Variants in TMEM117 observed in about 807,000 individuals in gnomAD.
TMEM117 encodes the protein transmembrane protein 117.
In TMEM117, 27 loss-of-function variants were observed where a neutral mutation model predicts 52.4. The observed-to-expected ratio is 0.51, with a 90% CI of 0.38 to 0.71. TMEM117 has a LOEUF of 0.71. Among genes scored for constraint, TMEM117 ranks in the 30% least tolerant of loss-of-function variants. The pLI, the probability that TMEM117 is intolerant of heterozygous loss-of-function variation, is 0.00. For synonymous variants in TMEM117, 215 were observed against 206.3 expected (o/e 1.04, Z -0.36); for missense variants, 556 against 630.5 (o/e 0.88, Z 1.26).
chr12:44,015,920 GA>G (rs1946367143), intron 3 of TMEM117, among the ~76,000 whole-genome samples: 2 of 152,134 alleles, frequency 1.3e-5, no homozygotes, highest in African/African-American at 4.8e-5. Flanking sequence ...TTGATGTAGA[GA>G]GTTTTATTTT....
chr12:44,264,678 G>GA (rs1950356435), intron 5 of TMEM117, among the ~76,000 whole-genome samples: 3 of 151,566 alleles, frequency 2.0e-5, no homozygotes. Context: ...ATAGAAATCT[G>GA]AAAAAACAGA....
chr12:44,237,327 T>TA (rs1288771504), intron 5 of TMEM117, among the ~76,000 whole-genome samples: 1 of 152,086 alleles, frequency 6.6e-6, no homozygotes, highest in Non-Finnish European at 1.5e-5. Context: ...GTTTTTTTTT[T>TA]ACCTTCATAG....
At chr12:44,358,711 G>A (rs1182809147) in intron 6 of TMEM117, among the ~76,000 whole-genome samples, 1 of 152,042 alleles carries the variant, frequency 6.6e-6, no homozygotes, top group African/African-American at 2.4e-5. Context: ...TTTAAAGATG[G>A]TACATGAAAA....
chr12:44,069,952 C>T (rs1422716966), intron 3 of TMEM117, among the ~76,000 whole-genome samples: 4 of 152,130 alleles, frequency 2.6e-5, no homozygotes, highest in East Asian at 3.9e-4. Context: ...TGCAGTGGCA[C>T]GGGCTTGGCT....
At chr12:44,103,811 A>C (rs1233171661) in intron 3 of TMEM117, among the ~76,000 whole-genome samples, 1 of 151,988 alleles carries the variant, frequency 6.6e-6, no homozygotes, top group Non-Finnish European at 1.5e-5. Flanking sequence ...GAGAAGCTAC[A>C]ATATCTCATC....
At chr12:44,256,103 A>G (rs1399956423) in intron 5 of TMEM117, among the ~76,000 whole-genome samples, 1 of 151,956 alleles carries the variant, frequency 6.6e-6, no homozygotes, top group Non-Finnish European at 1.5e-5. Context: ...ATTTTTGTAA[A>G]ACTTTAAATT....
At chr12:44,225,281 G>T (rs1009920399) in intron 5 of TMEM117, among the ~76,000 whole-genome samples, 2 of 152,156 alleles carry the variant, frequency 1.3e-5, no homozygotes, top group African/African-American at 2.4e-5. Flanking sequence ...AGTGCTTAAT[G>T]AAATGAAATT....
chr12:44,017,557 A>G (rs1393710117), intron 3 of TMEM117, among the ~76,000 whole-genome samples: 4 of 152,062 alleles, frequency 2.6e-5, no homozygotes, highest in Admixed American at 1.3e-4. Context: ...TGGCTAACTT[A>G]GAGGGGTTTT....
intron 6 of TMEM117, among the ~76,000 whole-genome samples, chr12:44,327,308 T>C (rs1383781747): frequency 6.6e-6 from 1 of 152,222 alleles, no homozygotes; most frequent in Non-Finnish European, 1.5e-5. Flanking sequence ...TCTTTGGTAA[T>C]ACAGTGTTTA....
chr12:43,925,394 A>G (rs950377716), intron 2 of TMEM117, among the ~76,000 whole-genome samples: 1 of 151,970 alleles, frequency 6.6e-6, no homozygotes, highest in Admixed American at 6.6e-5. Flanking sequence ...GTAACCTCCA[A>G]TTTCTAATTT....
intron 2 of TMEM117, among the ~76,000 whole-genome samples, chr12:43,913,061 C>T (rs143866764): frequency 1.3e-5 from 2 of 152,300 alleles, no homozygotes; most frequent in African/African-American, 4.8e-5. Flanking sequence ...TTCTTAACTT[C>T]ATTAGGGCTA....
At chr12:43,971,651 T>C (rs1296798261) in intron 3 of TMEM117, among the ~76,000 whole-genome samples, 2 of 152,224 alleles carry the variant, frequency 1.3e-5, no homozygotes, top group Non-Finnish European at 2.9e-5. Context: ...ATGTTTCTTC[T>C]GTGTGTTCAC....
intron 3 of TMEM117, among the ~76,000 whole-genome samples, chr12:44,025,802 T>G (rs1254988710): frequency 6.6e-6 from 1 of 152,226 alleles, no homozygotes; most frequent in Non-Finnish European, 1.5e-5. Flanking sequence ...TTCTGTCAAT[T>G]ACATATGTGA....
In TMEM117 at chr12:43,844,789, T is replaced by A. The variant is rs1943172074; in HGVS notation, c.138T>A (p.Val46=). Residue 46 remains valine (V), a synonymous_variant, in exon 2 of 8, where the codon GTT becomes GTA. Coordinates refer to ENST00000266534, the MANE Select transcript of TMEM117 (RefSeq NM_032256.3). ...GCCAAACAGAAGCCAATGTTATTGT[T>A]GTTGGAAACTGTTTTTCATTTGTTA... ...SHSQTEANVI[V]VGNCFSFVTN... The A allele has an allele frequency of 6.2e-7, 1 of 1,614,076 alleles. No individual in the cohort carries two copies. Among genetic ancestry groups the A allele is most frequent in the South Asian group, 1.1e-5 (1 of 91,088 alleles).
At chr12:44,268,645 C>T (rs1392295093) in intron 5 of TMEM117, among the ~76,000 whole-genome samples, 1 of 151,938 alleles carries the variant, frequency 6.6e-6, no homozygotes, top group African/African-American at 2.4e-5. Context: ...GTATATGTTT[C>T]TATGTTTAAT....
chr12:43,958,795 C>CTTTTT lies in TMEM117; in HGVS notation c.410+14456_410+14460dup, dbSNP rs1555188002. Among the ~76,000 whole-genome samples the CTTTTT allele has an allele frequency of 4.7e-3, 288 of 60,706 alleles. 1 individual carries two copies. The highest frequency in any genetic ancestry group is 0.011 in the South Asian group (19 of 1,764). The allele number at this position is 60,706 out of a possible 152,430, so 39.8% of individuals were successfully genotyped here. A position where few individuals can be genotyped will look rare whatever the true frequency, so the allele number is the denominator to read the frequency against. ...TCCTAAAGTGTAAAATGCATGGTTTCTTTTTTTGTTAGTTTGTTTGTTTGT... is the reference window on the plus strand; with the variant it reads ...TCCTAAAGTGTAAAATGCATGGTTTCTTTTTTTTTTTTGTTAGTTTGTTTGTTTGT... On this transcript the variant is annotated intron_variant, in intron 3 of 7. Coordinates refer to ENST00000266534, the MANE Select transcript of TMEM117 (RefSeq NM_032256.3).
At chr12:44,261,826 TA>T (rs1463484656) in intron 5 of TMEM117, among the ~76,000 whole-genome samples, 1 of 152,212 alleles carries the variant, frequency 6.6e-6, no homozygotes, top group Admixed American at 6.5e-5. Flanking sequence ...GAAATTCAAT[TA>T]AAGCAAGCCA....
intron 3 of TMEM117, among the ~76,000 whole-genome samples, chr12:43,955,820 C>T (rs763166908): frequency 4.6e-5 from 7 of 152,056 alleles, no homozygotes; most frequent in Non-Finnish European, 1.0e-4. Flanking sequence ...AAAAAGAGCT[C>T]GCATAGCTAA....
At chr12:43,900,336 A>G (rs911356368) in intron 2 of TMEM117, among the ~76,000 whole-genome samples, 1 of 152,148 alleles carries the variant, frequency 6.6e-6, no homozygotes, top group Non-Finnish European at 1.5e-5. Context: ...GCTTTTTGGA[A>G]AATTACCCAT....
Sources: gnomAD v4.1 joint callset for allele counts (sites outside exome capture counted in the v4.1 genomes callset) on GRCh38, gnomAD v4.1.1 for gene constraint, MANE v1.5 for transcripts, NCBI Gene and HGNC (gene_info 2026-07-23, HGNC 2026-07-21) for gene names.